The following CAPN11 variants were observed in gnomAD, a reference collection of about 807,000 sequenced individuals.
The protein encoded by CAPN11 is calpain-11.
CAPN11 carries 108 observed loss-of-function variants against 105.3 expected under a neutral mutation model. That is an observed-to-expected ratio of 1.03 (90% CI 0.88 to 1.20). The LOEUF (loss-of-function observed/expected upper bound fraction) is 1.20. Ranked by LOEUF, CAPN11 falls within the 50% of genes most tolerant of loss-of-function variation. CAPN11 has a pLI of 0.00. For missense variants in CAPN11, 883 were observed against 924.8 expected (o/e 0.95, Z 0.59); for synonymous variants, 329 against 344.5 (o/e 0.96, Z 0.50).
chr6:44,177,174 G>A (rs1772206639), intron 11 of CAPN11, 68 bp from the exon 12 acceptor site: 2 of 1,513,008 alleles, frequency 1.3e-6, no homozygotes, highest in African/African-American at 1.4e-5. Context: ...GGGAAGCTCG[G>A]TCCACCCTGG....
chr6:44,159,624 C>T (rs1179657811), intron 1 of CAPN11, among the ~76,000 whole-genome samples: 1 of 152,140 alleles, frequency 6.6e-6, no homozygotes, highest in Non-Finnish European at 1.5e-5. Flanking sequence ...AGTCCTTGTT[C>T]TTCAGAAGTG....
Position 44,180,638 on chromosome 6 carries a change from T to C in CAPN11, c.1722T>C (p.His574=), listed in dbSNP as rs1468890058. 6.2e-7 allele frequency: 1 copy of C among 1,613,574 alleles called. No homozygotes were observed. The highest frequency in any genetic ancestry group is 8.5e-7 in the Non-Finnish European group (1 of 1,179,778). ...SEDDMDQDFL[H]LFKIVAGEGK... is the part of the protein sequence containing the mutation. Reference sequence around the variant, plus strand: ...ATGACATGGACCAGGACTTCCTACATTTGTTTAAGATAGTGGCAGGAGAGG... The same window carrying C: ...ATGACATGGACCAGGACTTCCTACACTTGTTTAAGATAGTGGCAGGAGAGG... Residue 574 remains histidine (H), a synonymous_variant, in exon 16 of 23, where the codon CAT becomes CAC. Coordinates refer to ENST00000398776, the MANE Select transcript of CAPN11 (RefSeq NM_007058.4).
At position 44,176,126 on chromosome 6, in the gene CAPN11, C is replaced by T. The variant is rs777478680; in HGVS notation, c.890C>T (p.Ala297Val). The T allele has an allele frequency of 1.6e-5, 26 of 1,612,930 alleles. No homozygotes were observed. Among genetic ancestry groups the T allele is most frequent in the Non-Finnish European group, 2.1e-5 (25 of 1,179,446 alleles). The change falls in exon 8 of 23, where the codon GCT (alanine) becomes GTT (valine). Residue 297 changes from alanine (A) to valine (V), a missense_variant. Physicochemically the swap from Ala to Val is moderately conservative, Grantham distance 64. Coordinates refer to ENST00000398776, the MANE Select transcript of CAPN11 (RefSeq NM_007058.4). ...GACAAGATGCTGGTGAGAGGGCACG[C>T]TTACTCTGTGACTGGCCTTCAGGAT... ...MTDKMLVRGHAYSVTGLQDVH... is the reference protein window; with the variant it reads ...MTDKMLVRGHVYSVTGLQDVH...
chr6:44,170,916 G>A (rs1770878919), intron 4 of CAPN11, among the ~76,000 whole-genome samples: 1 of 152,178 alleles, frequency 6.6e-6, no homozygotes, highest in South Asian at 2.1e-4. Flanking sequence ...TAGGGATAAA[G>A]CCAGGGTGGG....
In CAPN11 at chr6:44,183,762, A is replaced by G. The variant is rs1774160827; in HGVS notation, c.2192A>G (p.Gln731Arg). ...GGCCATATTTGCTTGAGCCTGGAAC[A>G]GGTACTTGGAGAAGGGTGGGAAGGA... Reference protein sequence around the residue: ...NTGHICLSLEQWLQMTMWG With the variant: ...NTGHICLSLERWLQMTMWG Residue 731 changes from glutamine to arginine, a missense_variant and splice_region_variant, in exon 22 of 23, where the codon CAG becomes CGG. By Grantham distance (43) the Gln-to-Arg change is conservative. Coordinates refer to ENST00000398776, the MANE Select transcript of CAPN11 (RefSeq NM_007058.4). 6.2e-7 allele frequency: 1 copy of G among 1,613,628 alleles called. No individual in the cohort carries two copies. The highest frequency in any genetic ancestry group is 8.5e-7 in the Non-Finnish European group (1 of 1,179,710).
intron 7 of CAPN11, among the ~76,000 whole-genome samples, chr6:44,174,809 G>A (rs1289204434): frequency 4.6e-5 from 7 of 151,994 alleles, no homozygotes; most frequent in East Asian, 1.9e-4. Context: ...TAGTAGAGAC[G>A]GGGTTTCACC....
chr6:44,182,211 T>A (rs71544465), intron 19 of CAPN11, among the ~76,000 whole-genome samples: 55 of 20,906 alleles, frequency 2.6e-3, no homozygotes, highest in Non-Finnish European at 4.0e-3. Flanking sequence ...CACACCACAC[T>A]CACACACACA....
intron 12 of CAPN11, chr6:44,177,629 G>A (rs1338262268): frequency 1.8e-6 from 1 of 565,010 alleles, no homozygotes; most frequent in East Asian, 3.0e-5. Context: ...CTGGATTACA[G>A]ACGTGCACCA....
At position 44,181,660 on chromosome 6, in the gene CAPN11, A is replaced by G. The variant is rs866138134; in HGVS notation, c.1938+340A>G. Among the ~76,000 whole-genome samples the G allele has an allele frequency of 1.6e-3, 53 of 32,808 alleles. 11 individuals carry two copies. Among genetic ancestry groups the G allele is most frequent in the South Asian group, 2.7e-3 (4 of 1,494 alleles). 21.5% of individuals were successfully genotyped at this position (32,808 alleles called of 152,430 possible). A position where few individuals can be genotyped will look rare whatever the true frequency, so the allele number is the denominator to read the frequency against. On this transcript the variant is annotated intron_variant, in intron 19 of 22. Coordinates refer to ENST00000398776, the MANE Select transcript of CAPN11 (RefSeq NM_007058.4). ...TCACATACAGACACAACCACACCAC[A>G]CTCACACACACATACTCACATACAG... is the stretch of plus-strand genomic sequence containing the variant.
At chr6:44,162,041 G>A in intron 1 of CAPN11, 1 of 383,278 alleles carries the variant, frequency 2.6e-6, no homozygotes, top group Admixed American at 2.9e-5. Flanking sequence ...CTAGATGCCA[G>A]TAGCTCCCCT....
rs776543511 is a variant in CAPN11, at chr6:44,180,015, T to C, written c.1492T>C (p.Phe498Leu). Residue 498 changes from phenylalanine (F) to leucine (L), a missense_variant, in exon 14 of 23, where the codon TTC becomes CTC. Coordinates refer to ENST00000398776, the MANE Select transcript of CAPN11 (RefSeq NM_007058.4). ...EFFTKYQDHGFSEIFTNSREV... is the reference protein window; with the variant it reads ...EFFTKYQDHGLSEIFTNSREV... ...CTTCACGAAGTATCAGGACCACGGC[T>C]TCTCAGAGATCTTCACCAACTCACG... 1.2e-6 allele frequency: 2 copies of C among 1,611,210 alleles called. No homozygotes were observed. Among genetic ancestry groups the C allele is most frequent in the African/African-American group, 2.7e-5 (2 of 74,050 alleles).
At position 44,171,524 on chromosome 6, in the gene CAPN11, G is replaced by A. The variant is rs547715926; in HGVS notation, c.410-778G>A. 9.2e-5 allele frequency among the ~76,000 whole-genome samples: 14 copies of A among 152,282 alleles called. No homozygotes were observed. The South Asian group carries it at 2.7e-3, about 29-fold the overall frequency. Reference sequence around the variant, plus strand: ...GAAGAATGTGGAGAGTATTGGCTCTGTCTCAAAGAAAGCAGGTTACTGGTC... The same window carrying A: ...GAAGAATGTGGAGAGTATTGGCTCTATCTCAAAGAAAGCAGGTTACTGGTC... On this transcript the variant is annotated intron_variant, in intron 4 of 22. Transcript: ENST00000398776.
rs371684252 is a variant in CAPN11 at position 44,176,638 on chromosome 6, G to A, written c.1059G>A (p.Thr353=). 9.4e-6 allele frequency: 15 copies of A among 1,604,248 alleles called. No individual in the cohort carries two copies. Among genetic ancestry groups the A allele is most frequent in the South Asian group, 4.5e-5 (4 of 89,674 alleles). Residue 353 remains threonine (T), a synonymous_variant, in exon 10 of 23, where the codon ACG becomes ACA. Coordinates refer to ENST00000398776, the MANE Select transcript of CAPN11 (RefSeq NM_007058.4). ...SDIQMQLLHK[T]EDGEFWMSYQ... The stretch of plus-strand genomic sequence containing the variant: ...TCCAGATGCAGCTGCTGCACAAGAC[G>A]GAGGACGGGGAGTTCTGGTCAGTGT...
chr6:44,176,433 A>C, intron 9 of CAPN11, 95 bp downstream of exon 9: 1 of 1,309,024 alleles, frequency 7.6e-7, no homozygotes, highest in Non-Finnish European at 1.1e-6. Flanking sequence ...AACAACCTGT[A>C]CAACAGGGCA....
At position 44,173,226 on chromosome 6, in the gene CAPN11, G is replaced by A. The variant is rs941041482; in HGVS notation, c.671G>A (p.Gly224Glu). 1.2e-6 allele frequency: 2 copies of A among 1,613,776 alleles called. No homozygotes were observed. Among genetic ancestry groups the A allele is most frequent in the African/African-American group, 2.7e-5 (2 of 74,912 alleles). Residue 224 changes from glycine (G) to glutamate (E), a missense_variant, in exon 7 of 23, where the codon GGG becomes GAG. Physicochemically the swap from Gly to Glu is moderately conservative, Grantham distance 98 (BLOSUM62 -2). Transcript: ENST00000398776. ...LLEKAYAKLS[G>E]SYEALSGGST... ...CTTCTCTGTGCCCACAGGCTGAGTG[G>A]GTCCTATGAAGCATTGTCAGGGGGC...
rs1769941208 is a variant in CAPN11, at chr6:44,166,801, G to A, written c.60G>A (p.Gln20=). Residue 20 remains glutamine, a synonymous_variant, in exon 2 of 23, where the codon CAG becomes CAA. Transcript: ENST00000398776. ...PESAESLDGS[Q]EDKPRGSCAE... ...CAGCAGAGAGCCTGGATGGATCACA[G>A]GAGGATAAGCCTCGGGGCTCATGTG... 1 of 1,552,118 alleles carries A rather than the reference G, an allele frequency of 6.4e-7. No individual in the cohort carries two copies.
In CAPN11 at chr6:44,169,285, C is replaced by G. The variant is rs570142006; in HGVS notation, c.93C>G (p.Pro31=). The change falls in exon 3 of 23, where the codon CCC becomes CCG. Residue 31 remains proline (P), a synonymous_variant. Coordinates refer to ENST00000398776, the MANE Select transcript of CAPN11 (RefSeq NM_007058.4). The part of the protein sequence containing the change: ...EDKPRGSCAE[P]TFTDTGMVAH... ...CTCTTTTTTTTTCTTAAGCAGAGCC[C>G]ACTTTTACTGATACGGGAATGGTGG... The G allele has an allele frequency of 3.0e-4, 475 of 1,603,420 alleles. 1 individual carries two copies. The highest frequency in any genetic ancestry group is 6.0e-4 in the South Asian group (54 of 89,364).
In CAPN11 at chr6:44,166,846, G is replaced by T. The variant is rs746025988; in HGVS notation, c.88+17G>T. 7.2e-6 allele frequency: 11 copies of T among 1,527,076 alleles called. No homozygotes were observed. The highest frequency in any genetic ancestry group is 9.8e-6 in the Non-Finnish European group (11 of 1,125,318). 94.6% of individuals were successfully genotyped at this position (1,527,076 alleles called of 1,614,324 possible). A position where few individuals can be genotyped will look rare whatever the true frequency, so the allele number is the denominator to read the frequency against. Reference sequence around the variant, plus strand: ...CATGTGCGGGTAGGACTGCAGACCCGTCGTGGCTCTGTGGCCTCCCTTTTT... The same window carrying T: ...CATGTGCGGGTAGGACTGCAGACCCTTCGTGGCTCTGTGGCCTCCCTTTTT... On this transcript the variant is annotated intron_variant, in intron 2 of 22. Coordinates refer to ENST00000398776, the MANE Select transcript of CAPN11 (RefSeq NM_007058.4).
chr6:44,181,824 CCACA>C lies in CAPN11; in HGVS notation c.1938+516_1938+519del, dbSNP rs796767681. ...ACACTCACATACAGACACAACCACA[CCACA>C]CACACACACACTCACATACAGACAC... On this transcript the variant is annotated intron_variant, in intron 19 of 22. Coordinates refer to ENST00000398776, the MANE Select transcript of CAPN11 (RefSeq NM_007058.4). Among the ~76,000 whole-genome samples, 54 of 13,944 alleles carry C rather than the reference CCACA, an allele frequency of 3.9e-3. 4 individuals carry two copies. In the African/African-American group the frequency reaches 0.052, roughly 13 times the overall value. 9.1% of individuals were successfully genotyped at this position (13,944 alleles called of 152,430 possible).
Sources: allele counts gnomAD v4.1 joint callset (sites outside exome capture counted in the v4.1 genomes callset), GRCh38; gene constraint gnomAD v4.1.1; transcripts MANE v1.5; gene names NCBI Gene and HGNC (gene_info 2026-07-23, HGNC 2026-07-21).